The following SMARCA4 variants were observed in gnomAD, a reference collection of about 807,000 sequenced individuals.
SMARCA4 encodes the protein SWI/SNF-related matrix-associated actin-dependent regulator of chromatin subfamily A member 4.
In SMARCA4, 31 loss-of-function variants were observed where a neutral mutation model predicts 193.9. That is an observed-to-expected ratio of 0.16 (90% CI 0.12 to 0.22). The LOEUF is 0.22. SMARCA4 is among the 10% of genes least tolerant of loss of function. SMARCA4 has a pLI of 1.00. For synonymous variants in SMARCA4, 942 were observed against 933.1 expected (o/e 1.01, Z -0.17); for missense variants, 1,148 against 2,296.0 (o/e 0.50, Z 10.22).
At chr19:10,994,414 C>T (rs2086833822) in intron 8 of SMARCA4, among the ~76,000 whole-genome samples, 1 of 150,850 alleles carries the variant, frequency 6.6e-6, no homozygotes, top group Non-Finnish European at 1.5e-5. Context: ...AGCTCCGCCT[C>T]CCGGGTTCAC....
Position 11,019,108 on chromosome 19 carries a change from G to A in SMARCA4, c.2505+85G>A. 9.9e-7 allele frequency: 1 copy of A among 1,011,872 alleles called. No homozygotes were observed. Among genetic ancestry groups the A allele is most frequent in the Non-Finnish European group, 1.6e-6 (1 of 632,590 alleles). 62.7% of individuals were successfully genotyped at this position (1,011,872 alleles called of 1,614,324 possible). ...GGACGTCCACACATACCTCTGGACA[G>A]TGAACCTGAGAATGCTGGGTCTCCA... is the stretch of plus-strand genomic sequence containing the variant. On this transcript the variant is annotated intron_variant, in intron 17 of 34. Coordinates refer to ENST00000344626, the MANE Select transcript of SMARCA4 (RefSeq NM_003072.5). The surrounding 1 kb of genome is among the most constrained non-coding windows in gnomAD (Gnocchi z 6.1).
chr19:10,979,460 A>G (rs1378472366), intron 1 of SMARCA4, among the ~76,000 whole-genome samples: 1 of 145,738 alleles, frequency 6.9e-6, no homozygotes, highest in Non-Finnish European at 1.5e-5. Flanking sequence ...GCCCACGATC[A>G]TGGCTCACTG....
At chr19:11,050,758 G>C (rs2076212226) in intron 30 of SMARCA4, among the ~76,000 whole-genome samples, 1 of 152,270 alleles carries the variant, frequency 6.6e-6, no homozygotes, top group Admixed American at 6.5e-5. Flanking sequence ...GCTTGAAAGT[G>C]TTTGTCACAC....
chr19:11,031,851 T>C lies in SMARCA4; in HGVS notation c.3546+958T>C, dbSNP rs1304888905. On this transcript the variant is annotated intron_variant, in intron 25 of 34. Coordinates refer to ENST00000344626, the MANE Select transcript of SMARCA4 (RefSeq NM_003072.5). This position sits in a 1 kb window ranked among gnomAD's most constrained non-coding sequence, Gnocchi z 4.3. ...CATGGGGTCGCTCCACCCCAGACATTGTCCTCTTCGTGTTCTGGTTGCTAC... is the reference window on the plus strand; with the variant it reads ...CATGGGGTCGCTCCACCCCAGACATCGTCCTCTTCGTGTTCTGGTTGCTAC... The C allele has an allele frequency of 6.6e-6, 1 of 152,208 alleles. No homozygotes were observed. Among genetic ancestry groups the C allele is most frequent in the Non-Finnish European group, 1.5e-5 (1 of 68,076 alleles). 9.4% of individuals were successfully genotyped at this position (152,208 alleles called of 1,614,324 possible). A position where few individuals can be genotyped will look rare whatever the true frequency, so the allele number is the denominator to read the frequency against.
intron 23 of SMARCA4, among the ~76,000 whole-genome samples, chr19:11,026,569 G>T (rs1252759119): frequency 2.1e-5 from 3 of 145,554 alleles, no homozygotes; most frequent in Non-Finnish European, 3.0e-5. Context: ...ACACAATCTC[G>T]GCTCACTGCA....
At chr19:11,010,794 C>T (rs763021798) in intron 15 of SMARCA4, 6 of 510,310 alleles carry the variant, frequency 1.2e-5, no homozygotes, top group African/African-American at 1.9e-5. Flanking sequence ...GAGCGATTTG[C>T]ACTCCAGTGG....
chr19:11,028,376 C>T (rs2090411670), intron 24 of SMARCA4, among the ~76,000 whole-genome samples: 1 of 152,244 alleles, frequency 6.6e-6, no homozygotes, highest in African/African-American at 2.4e-5. Flanking sequence ...CAGCTCTTTG[C>T]TCTGCCTTCT....
chr19:10,980,298 C>T (rs1011823929), intron 1 of SMARCA4, among the ~76,000 whole-genome samples: 29 of 152,078 alleles, frequency 1.9e-4, no homozygotes, highest in African/African-American at 6.3e-4. Flanking sequence ...TGTGAAACCC[C>T]GTGCTTCTAA....
intron 11 of SMARCA4, among the ~76,000 whole-genome samples, chr19:11,002,503 A>T (rs898784282): frequency 4.0e-5 from 6 of 151,250 alleles, no homozygotes; most frequent in African/African-American, 1.5e-4. Flanking sequence ...ATAAAAATAA[A>T]AAATAAAAAT....
At chr19:11,011,350 G>C (rs1185531237) in intron 15 of SMARCA4, 2 of 151,984 alleles carry the variant, frequency 1.3e-5, no homozygotes, top group Non-Finnish European at 2.9e-5. Flanking sequence ...TCAGACTCCT[G>C]AGTAGCTGGG....
intron 30 of SMARCA4, chr19:11,056,381 G>A (rs1269143218): frequency 6.6e-6 from 1 of 152,258 alleles, no homozygotes; most frequent in African/African-American, 2.4e-5. Context: ...AGTCTGAGAA[G>A]GGTATGTGCT....
At chr19:11,016,994 G>A (rs1415549535) in intron 16 of SMARCA4, among the ~76,000 whole-genome samples, 2 of 151,988 alleles carry the variant, frequency 1.3e-5, no homozygotes, top group African/African-American at 4.8e-5. Context: ...TTGCTTCTGG[G>A]GTGTCATTGC....
chr19:11,027,493 C>T (rs1046919198), intron 23 of SMARCA4, among the ~76,000 whole-genome samples: 1 of 152,180 alleles, frequency 6.6e-6, no homozygotes, highest in Non-Finnish European at 1.5e-5. Flanking sequence ...CGTGTTGTGC[C>T]GGCCATGTGA....
rs1341397306 is a variant in SMARCA4, at chr19:11,061,205, ATATATATAT to A, written c.4912-578_4912-570del. 5.0e-3 allele frequency among the ~76,000 whole-genome samples: 193 copies of A among 38,498 alleles called. 3 individuals are homozygous for A. The highest frequency in any genetic ancestry group is 0.014 in the Middle Eastern group (1 of 74). 25.3% of individuals were successfully genotyped at this position (38,498 alleles called of 152,430 possible). A position where few individuals can be genotyped will look rare whatever the true frequency, so the allele number is the denominator to read the frequency against. On this transcript the variant is annotated intron_variant, in intron 34 of 34. Transcript: ENST00000344626. Reference sequence around the variant, plus strand: ...CCTGTCTTTAAAAAAAAAAAAAAAAATATATATATATATATATATATATATATATATATA... The same window carrying A: ...CCTGTCTTTAAAAAAAAAAAAAAAAAATATATATATATATATATATATATA...
chr19:11,056,089 TA>T (rs762091428), intron 30 of SMARCA4: 1 of 152,270 alleles, frequency 6.6e-6, no homozygotes, highest in Non-Finnish European at 1.5e-5. Flanking sequence ...TCTTTGCTTA[TA>T]AAATTCCGTA....
chr19:10,987,155 C>G lies in SMARCA4; in HGVS notation c.859+152C>G, dbSNP rs1456320578. On this transcript the variant is annotated intron_variant, in intron 5 of 34. Coordinates refer to ENST00000344626, the MANE Select transcript of SMARCA4 (RefSeq NM_003072.5). This position sits in a 1 kb window ranked among gnomAD's most constrained non-coding sequence, Gnocchi z 5.3. ...TTCTTGTGGTGGTCCCCGGGTCTCC[C>G]CTGTAGCCAGTCAGTTCCCAAAGGC... is the stretch of plus-strand genomic sequence containing the variant. 11 of 673,206 alleles carry G rather than the reference C, an allele frequency of 1.6e-5. No individual in the cohort carries two copies. Among genetic ancestry groups the G allele is most frequent in the South Asian group, 9.6e-5 (6 of 62,308 alleles). 41.7% of individuals were successfully genotyped at this position (673,206 alleles called of 1,614,324 possible).
intron 20 of SMARCA4, 38 bp from the exon 21 acceptor site, chr19:11,024,293 C>T (rs1444729768): frequency 2.0e-6 from 3 of 1,467,316 alleles, no homozygotes; most frequent in South Asian, 2.3e-5. Context: ...GGCCTCAAGC[C>T]ACCTTGGGCC....
rs2145768558 is a variant in SMARCA4, at chr19:10,986,147, C to A, written c.356-42C>A. On this transcript the variant is annotated intron_variant, in intron 3 of 34. Transcript: ENST00000344626. The surrounding 1 kb of genome is among the most constrained non-coding windows in gnomAD (Gnocchi z 6.7). ...GGGAAGAGGCTGTAAAAATCACAGA[C>A]ATATGCTGCCGAGTGACCAGTGGGC... 6.6e-7 allele frequency: 1 copy of A among 1,511,256 alleles called. No homozygotes were observed. Among genetic ancestry groups the A allele is most frequent in the Non-Finnish European group, 9.2e-7 (1 of 1,086,768 alleles). The allele number at this position is 1,511,256 out of a possible 1,614,324, so 93.6% of individuals were successfully genotyped here.
rs542326876 is a variant in SMARCA4, at chr19:11,051,547, G to T, written c.4425-6708G>T. Among the ~76,000 whole-genome samples, 532 of 149,592 alleles carry T rather than the reference G, an allele frequency of 3.6e-3. 5 individuals carry two copies. The highest frequency in any genetic ancestry group is 4.8e-3 in the Non-Finnish European group (323 of 67,608). Reference sequence around the variant, plus strand: ...CACTCTGTCGCCAGGCTGGAGTGCAGTAGCCTGATCTCAGCTCACTGCAAA... The same window carrying T: ...CACTCTGTCGCCAGGCTGGAGTGCATTAGCCTGATCTCAGCTCACTGCAAA... On this transcript the variant is annotated intron_variant, in intron 30 of 34. Transcript: ENST00000344626.
Sources: allele counts gnomAD v4.1 joint callset (sites outside exome capture counted in the v4.1 genomes callset), GRCh38; gene constraint gnomAD v4.1.1; non-coding constraint Gnocchi (gnomAD v3.1); transcripts MANE v1.5; gene names NCBI Gene and HGNC (gene_info 2026-07-23, HGNC 2026-07-21).